Variants in KIAA1328 observed in about 807,000 individuals in gnomAD.
KIAA1328 encodes the protein KIAA1328.
Under a neutral mutation model 68.1 loss-of-function variants are expected in KIAA1328, and 52 were observed. The ratio of observed to expected loss-of-function variants is 0.76; its 90% CI spans 0.61 to 0.96. The LOEUF (loss-of-function observed/expected upper bound fraction) is 0.96. Among genes scored for constraint, KIAA1328 ranks in the 40% least tolerant of loss-of-function variants. The pLI is 0.00. For missense variants in KIAA1328, 641 were observed against 677.6 expected, an observed-to-expected ratio of 0.95 and a Z score of 0.60; for synonymous variants, 232 against 239.4, an observed-to-expected ratio of 0.97 and a Z score of 0.28.
intron 5 of KIAA1328, among the ~76,000 whole-genome samples, chr18:36,911,177 T>C (rs1397568929): frequency 1.1e-4 from 16 of 152,192 alleles, no homozygotes; most frequent in Admixed American, 1.0e-3. Flanking sequence ...TTATATACTA[T>C]CTTATGATGA....
At chr18:37,215,466 G>A (rs1476952263) in intron 9 of KIAA1328, among the ~76,000 whole-genome samples, 1 of 152,188 alleles carries the variant, frequency 6.6e-6, no homozygotes, top group African/African-American at 2.4e-5. Flanking sequence ...ATTTGCGTAT[G>A]TCGAACCAGC....
intron 6 of KIAA1328, among the ~76,000 whole-genome samples, chr18:36,988,716 C>T (rs1413748395): frequency 6.6e-6 from 1 of 152,078 alleles, no homozygotes; most frequent in Non-Finnish European, 1.5e-5. Context: ...TGCTTGGGTT[C>T]CTATCAGTAA....
rs556411455 is a variant in KIAA1328, at chr18:37,108,147, A to T, written c.1232+40602A>T. ...CAGGTACCTATCAGTGGTAGATTGG[A>T]TAAAGAAAATATGGTAAATATACAC... On this transcript the variant is annotated intron_variant, in intron 7 of 9. Transcript: ENST00000280020. Among the ~76,000 whole-genome samples, 89 of 152,336 alleles carry T rather than the reference A, an allele frequency of 5.8e-4. 3 individuals carry two copies. In the South Asian group the frequency reaches 0.018, roughly 31 times the overall value.
chr18:37,039,795 C>T (rs2055173795), intron 6 of KIAA1328, among the ~76,000 whole-genome samples: 1 of 152,166 alleles, frequency 6.6e-6, no homozygotes, highest in African/African-American at 2.4e-5. Flanking sequence ...TCCTGTAGGT[C>T]AGAAGTCCGG....
chr18:37,191,256 T>G (rs2059899747), intron 9 of KIAA1328, among the ~76,000 whole-genome samples: 2 of 152,218 alleles, frequency 1.3e-5, no homozygotes, highest in Non-Finnish European at 2.9e-5. Flanking sequence ...TAAATTTAAC[T>G]TCTTTTATAC....
At position 36,889,971 on chromosome 18, in the gene KIAA1328, T is replaced by C. The variant is rs367648209; in HGVS notation, c.448+4299T>C. On this transcript the variant is annotated intron_variant, in intron 5 of 9. Transcript: ENST00000280020. ...ACCACTTGCACCTGTTGAGTGCTCA[T>C]TGGGAGGAAACCAAGTTTTAGTTTC... is the stretch of plus-strand genomic sequence containing the variant. 1.1e-4 allele frequency among the ~76,000 whole-genome samples: 16 copies of C among 152,170 alleles called. No individual in the cohort carries two copies. In the South Asian group the frequency reaches 1.9e-3, roughly 18 times the overall value.
At chr18:36,960,975 T>G (rs1428848064) in intron 6 of KIAA1328, among the ~76,000 whole-genome samples, 1 of 152,192 alleles carries the variant, frequency 6.6e-6, no homozygotes. Flanking sequence ...TTTGATGAGT[T>G]GACAGAAGTG....
chr18:36,993,715 A>G (rs1598917732), intron 6 of KIAA1328, among the ~76,000 whole-genome samples: 2 of 152,184 alleles, frequency 1.3e-5, no homozygotes, highest in African/African-American at 4.8e-5. Flanking sequence ...ATTGGGAGGA[A>G]ATCACTGGAT....
At chr18:36,834,471 T>A in intron 2 of KIAA1328, 116 bp downstream of exon 2, 1 of 825,228 alleles carries the variant, frequency 1.2e-6, no homozygotes, top group Non-Finnish European at 1.7e-6. Flanking sequence ...GAGCAGTACA[T>A]CAAAACCTAA....
chr18:36,938,785 G>A (rs752850849), intron 5 of KIAA1328, among the ~76,000 whole-genome samples: 54 of 152,086 alleles, frequency 3.6e-4, no homozygotes, highest in Non-Finnish European at 7.4e-4. Context: ...TGGGTCTAGT[G>A]TCATTCTTCT....
At chr18:37,200,254 A>C (rs1355945295) in intron 9 of KIAA1328, among the ~76,000 whole-genome samples, 5 of 152,244 alleles carry the variant, frequency 3.3e-5, no homozygotes, top group African/African-American at 4.8e-5. Flanking sequence ...TAAAGGCAAA[A>C]GAAACAATGA....
chr18:36,845,610 A>T (rs2047001027), intron 4 of KIAA1328, among the ~76,000 whole-genome samples: 1 of 151,790 alleles, frequency 6.6e-6, no homozygotes, highest in Admixed American at 6.6e-5. Context: ...CAGAATATAT[A>T]AAGAACTCTA....
At chr18:37,084,027 T>A (rs1403384403) in intron 7 of KIAA1328, 2 of 488,912 alleles carry the variant, frequency 4.1e-6, no homozygotes, top group Admixed American at 4.4e-5. Context: ...GGAAAATAAT[T>A]TCTGGGGATC....
intron 5 of KIAA1328, among the ~76,000 whole-genome samples, chr18:36,898,039 A>G (rs1326346383): frequency 6.6e-6 from 1 of 152,090 alleles, no homozygotes; most frequent in Non-Finnish European, 1.5e-5. Context: ...GGTTTATCAA[A>G]TGATCCAAAA....
intron 5 of KIAA1328, among the ~76,000 whole-genome samples, chr18:36,929,561 T>G (rs1164175795): frequency 6.6e-6 from 1 of 152,070 alleles, no homozygotes; most frequent in African/African-American, 2.4e-5. Context: ...AGGTAGGTGT[T>G]ATGCACTGAA....
At chr18:36,830,868 A>G (rs1426755) in intron 1 of KIAA1328, among the ~76,000 whole-genome samples, 18,098 of 152,268 alleles carry the variant, frequency 0.12, 1,384 homozygotes, top group Admixed American at 0.17. Context: ...TATGAAAGGA[A>G]TTGCAAAGTT....
intron 7 of KIAA1328, among the ~76,000 whole-genome samples, chr18:37,148,702 G>A (rs2058961482): frequency 6.6e-6 from 1 of 152,098 alleles, no homozygotes; most frequent in South Asian, 2.1e-4. Flanking sequence ...GTTTTGATTT[G>A]CATTTATCTA....
intron 7 of KIAA1328, among the ~76,000 whole-genome samples, chr18:37,154,587 C>T (rs943901332): frequency 5.9e-5 from 9 of 152,112 alleles, no homozygotes; most frequent in Admixed American, 4.6e-4. Context: ...TCCCAATATC[C>T]ATATGGTTGA....
chr18:36,845,578 C>T (rs1379922949), intron 4 of KIAA1328, among the ~76,000 whole-genome samples: 5 of 151,612 alleles, frequency 3.3e-5, no homozygotes, highest in Non-Finnish European at 5.9e-5. Context: ...GAGAATAAAA[C>T]GCATATTTGA....
Sources: gnomAD v4.1 joint callset for allele counts (sites outside exome capture counted in the v4.1 genomes callset) on GRCh38, gnomAD v4.1.1 for gene constraint, MANE v1.5 for transcripts, NCBI Gene and HGNC (gene_info 2026-07-23, HGNC 2026-07-21) for gene names.